Variants in PKHD1 observed in about 807,000 individuals in gnomAD.
PKHD1 encodes the protein PKHD1 ciliary IPT domain containing fibrocystin/polyductin.
Under a neutral mutation model 412.0 loss-of-function variants are expected in PKHD1, and 291 were observed. The ratio of observed to expected loss-of-function variants is 0.71; its 90% CI spans 0.64 to 0.78. The LOEUF is 0.78. Among genes scored for constraint, PKHD1 ranks in the 30% least tolerant of loss-of-function variants. The pLI, the probability that PKHD1 is intolerant of heterozygous loss-of-function variation, is 0.00. For synonymous variants in PKHD1, 1,777 were observed against 1,821.5 expected, an observed-to-expected ratio of 0.98 and a Z score of 0.62; for missense variants, 4,825 against 4,950.7, an observed-to-expected ratio of 0.97 and a Z score of 0.76.
chr6:51,662,339 C>T (rs1431920935), intron 60 of PKHD1, among the ~76,000 whole-genome samples: 2 of 151,352 alleles, frequency 1.3e-5, no homozygotes, highest in Non-Finnish European at 3.0e-5. Context: ...ATTCTCACCA[C>T]ACACACACGC....
At chr6:52,019,850 C>T (rs1316203782) in intron 33 of PKHD1, among the ~76,000 whole-genome samples, 1 of 152,154 alleles carries the variant, frequency 6.6e-6, no homozygotes, top group Admixed American at 6.5e-5. Context: ...GGAAATTTCT[C>T]CTATGGTTAG....
chr6:51,837,990 G>A (rs1041085457), intron 50 of PKHD1, among the ~76,000 whole-genome samples: 2 of 152,080 alleles, frequency 1.3e-5, no homozygotes, highest in African/African-American at 4.8e-5. Context: ...TCACCCTGTT[G>A]CTTATTTCAT....
At chr6:51,716,068 A>T (rs1325118215) in intron 60 of PKHD1, among the ~76,000 whole-genome samples, 1 of 152,250 alleles carries the variant, frequency 6.6e-6, no homozygotes, top group East Asian at 1.9e-4. Flanking sequence ...TTAAAAAGTT[A>T]CTAAAGGCAC....
intron 37 of PKHD1, among the ~76,000 whole-genome samples, chr6:51,922,211 C>T (rs560896902): frequency 2.6e-4 from 40 of 152,336 alleles, no homozygotes; most frequent in African/African-American, 9.4e-4. Flanking sequence ...TTGGAGTTTG[C>T]TGGAGGTCCA....
At chr6:51,861,966 G>A (rs906483161) in intron 48 of PKHD1, among the ~76,000 whole-genome samples, 3 of 152,190 alleles carry the variant, frequency 2.0e-5, no homozygotes, top group Non-Finnish European at 4.4e-5. Flanking sequence ...TTGAGAACAC[G>A]AGAACACTGT....
In PKHD1 at chr6:51,744,492, C is replaced by T. The variant is rs1350591154; in HGVS notation, c.10049G>A (p.Arg3350Lys). Reference protein sequence around the residue: ...VCPELDCASPRKYLFKDLDGR... With the variant: ...VCPELDCASPKKYLFKDLDGR... ...ATCCAGATCCTTGAAGAGATATTTT[C>T]TTGGACTTGCACAGTCTAATTCAGG... Residue 3350 changes from arginine (R) to lysine (K), a missense_variant, in exon 60 of 67, where the codon AGA becomes AAA. Physicochemically the swap from Arg to Lys is conservative, Grantham distance 26 (BLOSUM62 2). Transcript: ENST00000371117. 2 of 1,613,346 alleles carry T rather than the reference C, an allele frequency of 1.2e-6. No individual in the cohort carries two copies. The highest frequency in any genetic ancestry group is 1.1e-5 in the South Asian group (1 of 91,082).
At chr6:51,736,950 T>C (rs751925117) in intron 60 of PKHD1, among the ~76,000 whole-genome samples, 2 of 152,320 alleles carry the variant, frequency 1.3e-5, no homozygotes, top group Middle Eastern at 3.4e-3. Flanking sequence ...ATACCTGAGC[T>C]TTCCCCATTA....
At chr6:51,731,328 C>T (rs1247946567) in intron 60 of PKHD1, among the ~76,000 whole-genome samples, 3 of 152,084 alleles carry the variant, frequency 2.0e-5, no homozygotes, top group Non-Finnish European at 4.4e-5. Context: ...GATAGGTATT[C>T]AAAAATAGCT....
intron 14 of PKHD1, among the ~76,000 whole-genome samples, chr6:52,060,379 A>G (rs911692357): frequency 2.6e-5 from 4 of 152,204 alleles, no homozygotes. Context: ...CTCAATCTAT[A>G]GTAAATACTA....
At chr6:51,965,200 G>C (rs4544907) in intron 35 of PKHD1, among the ~76,000 whole-genome samples, 1 of 151,954 alleles carries the variant, frequency 6.6e-6, no homozygotes, top group Non-Finnish European at 1.5e-5. Flanking sequence ...TTATCATTTA[G>C]AAAAATACAA....
chr6:51,789,010 C>T (rs1024650195), intron 53 of PKHD1, among the ~76,000 whole-genome samples: 5 of 152,060 alleles, frequency 3.3e-5, no homozygotes, highest in Non-Finnish European at 5.9e-5. Flanking sequence ...GACTTAGAGC[C>T]CATTCTGTTA....
intron 36 of PKHD1, among the ~76,000 whole-genome samples, chr6:51,950,399 T>C (rs1271564168): frequency 6.6e-6 from 1 of 151,996 alleles, no homozygotes; most frequent in Non-Finnish European, 1.5e-5. Flanking sequence ...GTTTCCACTG[T>C]TCTTTGCTAA....
chr6:51,763,653 A>T (rs946534373), intron 55 of PKHD1, among the ~76,000 whole-genome samples: 1 of 152,128 alleles, frequency 6.6e-6, no homozygotes, highest in African/African-American at 2.4e-5. Flanking sequence ...TGACACCACT[A>T]TCCAGCTACA....
chr6:51,953,835 A>G (rs1369904462), intron 36 of PKHD1, among the ~76,000 whole-genome samples: 1 of 152,120 alleles, frequency 6.6e-6, no homozygotes, highest in African/African-American at 2.4e-5. Flanking sequence ...AAATGAGATC[A>G]TGTTCCAAGC....
At chr6:51,944,829 C>A (rs909063108) in intron 36 of PKHD1, among the ~76,000 whole-genome samples, 2 of 152,216 alleles carry the variant, frequency 1.3e-5, no homozygotes, top group African/African-American at 2.4e-5. Flanking sequence ...TATCTACAAC[C>A]TGCTCAATTT....
intron 4 of PKHD1, 42 bp from the exon 5 acceptor site, chr6:52,080,050 G>A (rs1435200948): frequency 7.0e-6 from 8 of 1,135,308 alleles, no homozygotes; most frequent in Non-Finnish European, 1.1e-5. Flanking sequence ...CAAAAACCAT[G>A]AATTCCCAAA....
Position 52,017,418 on chromosome 6 carries a change from G to A in PKHD1, c.5592C>T (p.Leu1864=). 1 of 1,609,852 alleles carries A rather than the reference G, an allele frequency of 6.2e-7. No individual in the cohort carries two copies. Among genetic ancestry groups the A allele is most frequent in the Non-Finnish European group, 8.5e-7 (1 of 1,176,076 alleles). ...AESMFPSFSG[L]FISPKLERDE... ...GGAGAAGGTAAAGTTACCTGATAAA[G>A]AGGCCCGAGAATGATGGAAACATTG... The change falls in exon 34 of 67, where the codon CTC becomes CTT. Residue 1864 remains leucine, a synonymous_variant. Coordinates refer to ENST00000371117, the MANE Select transcript of PKHD1 (RefSeq NM_138694.4).
chr6:51,686,066 G>A (rs1286448698), intron 60 of PKHD1, among the ~76,000 whole-genome samples: 2 of 152,046 alleles, frequency 1.3e-5, no homozygotes, highest in Admixed American at 6.6e-5. Context: ...ATCACTGGCT[G>A]ACAAAATTCA....
At chr6:51,738,445 C>T (rs1287919387) in intron 60 of PKHD1, among the ~76,000 whole-genome samples, 1 of 151,964 alleles carries the variant, frequency 6.6e-6, no homozygotes. Context: ...AACGTGAGGA[C>T]CCTAGGTTAA....
Sources: gnomAD v4.1 joint callset for allele counts (sites outside exome capture counted in the v4.1 genomes callset) on GRCh38, gnomAD v4.1.1 for gene constraint, MANE v1.5 for transcripts, NCBI Gene and HGNC (gene_info 2026-07-23, HGNC 2026-07-21) for gene names.